Variants in PAQR4 observed in about 807,000 individuals in gnomAD.
PAQR4 encodes the protein progestin and adipoQ receptor family member IV.
PAQR4 carries 26 observed loss-of-function variants against 20.9 expected under a neutral mutation model. The observed-to-expected ratio is 1.24, with a 90% CI of 0.91 to 1.73. The LOEUF (loss-of-function observed/expected upper bound fraction) is 1.73. Among genes scored for constraint, PAQR4 ranks in the 40% most tolerant of loss-of-function variants. The pLI is 0.00. For missense variants in PAQR4, 400 were observed against 380.1 expected (o/e 1.05, Z -0.44); for synonymous variants, 193 against 171.6 (o/e 1.12, Z -0.97).
Position 2,971,180 on chromosome 16 carries a change from G to C in PAQR4, c.190G>C (p.Val64Leu). 1 of 1,613,358 alleles carries C rather than the reference G, an allele frequency of 6.2e-7. No homozygotes were observed. The highest frequency in any genetic ancestry group is 8.5e-7 in the Non-Finnish European group (1 of 1,179,980). The change falls in exon 2 of 3, where the codon GTG becomes CTG. Residue 64 changes from valine (V) to leucine (L), a missense_variant. By Grantham distance (32) the Val-to-Leu change is conservative. Transcript: ENST00000318782. ...AGGGCTGGCCCTGCTGGGCTTCCTG[G>C]TGCTGGTGCCAATGACCATGCCCTG... is the stretch of plus-strand genomic sequence containing the variant. ...THGLALLGFL[V>L]LVPMTMPWGQ... is the part of the protein sequence containing the mutation.
chr16:2,969,999 G>GT lies in PAQR4; in HGVS notation c.166+159_166+160insT. The GT allele has an allele frequency of 3.9e-6, 4 of 1,015,412 alleles. No homozygotes were observed. The East Asian group carries it at 8.4e-5, about 21-fold the overall frequency. 62.9% of individuals were successfully genotyped at this position (1,015,412 alleles called of 1,614,324 possible). Reference sequence around the variant, plus strand: ...CGGTGACAAAGCTGCCATTGTCCCGGGCCGCGCTGCCAGCTTCCGTTTTCC... The same window carrying GT: ...CGGTGACAAAGCTGCCATTGTCCCGGTGCCGCGCTGCCAGCTTCCGTTTTCC... On this transcript the variant is annotated intron_variant, in intron 1 of 2. Coordinates refer to ENST00000318782, the MANE Select transcript of PAQR4 (RefSeq NM_152341.5).
In PAQR4 at chr16:2,972,654, G is replaced by A. The variant is rs1331024059; in HGVS notation, c.*706G>A. On this transcript the variant is annotated 3_prime_UTR_variant, in exon 3 of 3. Coordinates refer to ENST00000318782, the MANE Select transcript of PAQR4 (RefSeq NM_152341.5). ...ACCCACCGGGGGATGTGCCTGCTCA[G>A]GAAACCTCTTTGCTCCACACAGCAT... 1.3e-6 allele frequency: 2 copies of A among 1,535,798 alleles called. No homozygotes were observed. The highest frequency in any genetic ancestry group is 1.7e-6 in the Non-Finnish European group (2 of 1,146,816).
In PAQR4 at chr16:2,972,171, T is replaced by C. The variant is rs1208931322; in HGVS notation, c.*223T>C. 2.8e-5 allele frequency: 16 copies of C among 573,820 alleles called. No homozygotes were observed. Among genetic ancestry groups the C allele is most frequent in the African/African-American group, 2.4e-4 (13 of 53,372 alleles). 35.5% of individuals were successfully genotyped at this position (573,820 alleles called of 1,614,324 possible). ...TTTTCCCTCCAAGCTCCTATTTTAC[T>C]GTGTCAGCTGGAAGGAAACCTTTCC... On this transcript the variant is annotated 3_prime_UTR_variant, in exon 3 of 3. Transcript: ENST00000318782.
chr16:2,970,689 T>C (rs1341668619), intron 1 of PAQR4, among the ~76,000 whole-genome samples: 2 of 152,198 alleles, frequency 1.3e-5, no homozygotes, highest in Admixed American at 6.5e-5. Context: ...TGGACACTTA[T>C]GGAGAGGGGA....
At chr16:2,971,042 A>C in intron 1 of PAQR4, 115 bp from the exon 2 acceptor site, 1 of 1,079,568 alleles carries the variant, frequency 9.3e-7, no homozygotes, top group South Asian at 1.5e-5. Context: ...CAGGCCGCCA[A>C]CTGGATGACA....
rs1260068110 is a variant in PAQR4 at position 2,969,798 on chromosome 16, C to G, written c.124C>G (p.Leu42Val). 2 of 1,610,548 alleles carry G rather than the reference C, an allele frequency of 1.2e-6. No homozygotes were observed. Among genetic ancestry groups the G allele is most frequent in the Non-Finnish European group, 1.7e-6 (2 of 1,178,956 alleles). The change falls in exon 1 of 3, where the codon CTC becomes GTC. Residue 42 changes from leucine (L) to valine (V), a missense_variant. Leu to Val is a conservative substitution (Grantham distance 32). Coordinates refer to ENST00000318782, the MANE Select transcript of PAQR4 (RefSeq NM_152341.5). ...CAGCGGCTCGGGCTGCCTGCGCAGC[C>G]TCTTCTACCTGCACAACGAACTGGG... ...ASSGSGCLRS[L>V]FYLHNELGNI...
chr16:2,971,488 CCT>C (rs1395439522), intron 2 of PAQR4, 25 bp from the exon 3 acceptor site: 14 of 1,576,152 alleles, frequency 8.9e-6, no homozygotes, highest in Admixed American at 1.7e-5. Context: ...AATGACATGC[CCT>C]CTCCTGTTCT....
Position 2,971,801 on chromosome 16 carries a change from C to G in PAQR4, c.675C>G (p.Pro225=), listed in dbSNP as rs752435454. Residue 225 remains proline (P), a synonymous_variant, in exon 3 of 3, where the codon CCC becomes CCG. Coordinates refer to ENST00000318782, the MANE Select transcript of PAQR4 (RefSeq NM_152341.5). ...LGGLVNVARL[P]ERWGPGRFDY... ...GACTGGTAAATGTAGCCCGTCTGCC[C>G]GAGCGCTGGGGACCTGGCCGCTTTG... The G allele has an allele frequency of 3.1e-6, 5 of 1,612,866 alleles. No homozygotes were observed. The highest frequency in any genetic ancestry group is 3.4e-6 in the Non-Finnish European group (4 of 1,179,920).
At position 2,972,857 on chromosome 16, in the gene PAQR4, A is replaced by C. The variant is rs2151065956; in HGVS notation, c.*909A>C. The C allele has an allele frequency of 1.3e-6, 2 of 1,534,902 alleles. No homozygotes were observed. The highest frequency in any genetic ancestry group is 2.7e-5 in the African/African-American group (2 of 73,096). Reference sequence around the variant, plus strand: ...CTTTTTATTAGACACGGCCAGGCAGAGAAGACCATGGGAGTTCCCGAGGGG... The same window carrying C: ...CTTTTTATTAGACACGGCCAGGCAGCGAAGACCATGGGAGTTCCCGAGGGG... On this transcript the variant is annotated 3_prime_UTR_variant, in exon 3 of 3. Transcript: ENST00000318782.
chr16:2,970,899 C>T, intron 1 of PAQR4: 1 of 595,870 alleles, frequency 1.7e-6, no homozygotes. Context: ...CGGGGCCGGT[C>T]ACTCAGCCCC....
chr16:2,970,007 T>C, intron 1 of PAQR4, 167 bp downstream of exon 1: 1 of 953,528 alleles, frequency 1.0e-6, no homozygotes, highest in South Asian at 1.7e-5. Flanking sequence ...CGGGCCGCGC[T>C]GCCAGCTTCC....
chr16:2,969,959 C>T, intron 1 of PAQR4, 119 bp downstream of exon 1: 4 of 1,296,774 alleles, frequency 3.1e-6, no homozygotes, highest in Non-Finnish European at 3.1e-6. Context: ...CCGGCCCTGG[C>T]ACCGCCAGTA....
At position 2,972,596 on chromosome 16, in the gene PAQR4, A is replaced by C. The variant is rs1371472080; in HGVS notation, c.*648A>C. 6.5e-7 allele frequency: 1 copy of C among 1,529,254 alleles called. No homozygotes were observed. The highest frequency in any genetic ancestry group is 1.2e-5 in the South Asian group (1 of 83,796). 94.7% of individuals were successfully genotyped at this position (1,529,254 alleles called of 1,614,324 possible). A position where few individuals can be genotyped will look rare whatever the true frequency, so the allele number is the denominator to read the frequency against. ...GACCCCTGGGCCGTGCCTGCCCTCC[A>C]CCTTGAGTGCCATACTCCCAACAGC... On this transcript the variant is annotated 3_prime_UTR_variant, in exon 3 of 3. Transcript: ENST00000318782.
chr16:2,969,944 C>A, intron 1 of PAQR4, 104 bp downstream of exon 1: 1 of 1,436,646 alleles, frequency 7.0e-7, no homozygotes, highest in Non-Finnish European at 9.4e-7. Flanking sequence ...AAGTCCAGGG[C>A]TGCCCCGGCC....
chr16:2,971,802 G>T lies in PAQR4; in HGVS notation c.676G>T (p.Glu226Ter), dbSNP rs202239569. 6.2e-7 allele frequency: 1 copy of T among 1,612,840 alleles called. No homozygotes were observed. Among genetic ancestry groups the T allele is most frequent in the Non-Finnish European group, 8.5e-7 (1 of 1,179,910 alleles). Residue 226 changes from glutamate (E) to a stop codon, truncating the protein, a stop_gained, in exon 3 of 3, where the codon GAG becomes TAG. Transcript: ENST00000318782. LOFTEE classifies it high-confidence loss of function. ...GGLVNVARLP[E>*]RWGPGRFDYW... ...ACTGGTAAATGTAGCCCGTCTGCCC[G>T]AGCGCTGGGGACCTGGCCGCTTTGA...
In PAQR4 at chr16:2,972,643, G is replaced by A. The variant is rs569775572; in HGVS notation, c.*695G>A. ...CAGCTCCAGGTACCCACCGGGGGAT[G>A]TGCCTGCTCAGGAAACCTCTTTGCT... On this transcript the variant is annotated 3_prime_UTR_variant, in exon 3 of 3. Transcript: ENST00000318782. The A allele has an allele frequency of 1.1e-4, 170 of 1,535,580 alleles. No individual in the cohort carries two copies. Among genetic ancestry groups the A allele is most frequent in the Non-Finnish European group, 1.4e-4 (157 of 1,146,808 alleles).
chr16:2,972,379 T>C lies in PAQR4; in HGVS notation c.*431T>C. On this transcript the variant is annotated 3_prime_UTR_variant, in exon 3 of 3. Transcript: ENST00000318782. ...CTGATCTCCATCTTTCTGCCCTGCA[T>C]ACCAGCCCTCCCAGCAGCCACAAGC... The C allele has an allele frequency of 7.3e-6, 4 of 545,238 alleles. No individual in the cohort carries two copies. The South Asian group carries it at 9.5e-5, about 13-fold the overall frequency. The allele number at this position is 545,238 out of a possible 1,614,324, so 33.8% of individuals were successfully genotyped here.
Position 2,973,170 on chromosome 16 carries a change from G to A in PAQR4, c.*1222G>A. The A allele has an allele frequency of 1.3e-6, 2 of 1,534,470 alleles. No homozygotes were observed. The highest frequency in any genetic ancestry group is 1.8e-6 in the Non-Finnish European group (2 of 1,134,906). ...TGCACCTGCTCCGGGGGGTGGAGGT[G>A]CTCCCCACAGTCCGGGCCAGGACAG... is the stretch of plus-strand genomic sequence containing the variant. On this transcript the variant is annotated 3_prime_UTR_variant, in exon 3 of 3. Coordinates refer to ENST00000318782, the MANE Select transcript of PAQR4 (RefSeq NM_152341.5).
chr16:2,970,648 A>C (rs111587100), intron 1 of PAQR4, among the ~76,000 whole-genome samples: 121 of 152,292 alleles, frequency 7.9e-4, no homozygotes, highest in African/African-American at 2.7e-3. Flanking sequence ...CCCTTTATAG[A>C]AGATAAAAAG....
Sources: gnomAD v4.1 joint callset for allele counts (sites outside exome capture counted in the v4.1 genomes callset) on GRCh38, gnomAD v4.1.1 for gene constraint, MANE v1.5 for transcripts, NCBI Gene and HGNC (gene_info 2026-07-23, HGNC 2026-07-21) for gene names.